Variants in METTL8 observed in about 807,000 individuals in gnomAD.
METTL8 encodes the protein tRNA N(3)-cytidine methyltransferase METTL8, mitochondrial.
In METTL8, 32 loss-of-function variants were observed where a neutral mutation model predicts 48.7. That is an observed-to-expected ratio of 0.66 (90% confidence interval 0.50 to 0.88). The LOEUF (loss-of-function observed/expected upper bound fraction) is 0.88. Among genes scored for constraint, METTL8 ranks in the 40% least tolerant of loss-of-function variants. The pLI is 0.00. For missense variants in METTL8, 464 were observed against 474.4 expected, an observed-to-expected ratio of 0.98 and a Z score of 0.20; for synonymous variants, 136 against 157.1, an observed-to-expected ratio of 0.87 and a Z score of 1.01.
At chr2:171,434,224 G>T, upstream of METTL8, 1 of 441,178 alleles carries the variant, frequency 2.3e-6, no homozygotes, top group Non-Finnish European at 4.6e-6. Flanking sequence ...TGTAGTTCCT[G>T]GGAGAAGCCG....
At chr2:171,405,360 A>T (rs1417156003) in intron 1 of METTL8, among the ~76,000 whole-genome samples, 1 of 152,208 alleles carries the variant, frequency 6.6e-6, no homozygotes, top group African/African-American at 2.4e-5. Context: ...AAGAGGGGTT[A>T]GTTTATGGGA....
At chr2:171,434,289 C>T (rs1399568009), upstream of METTL8, 7 of 579,934 alleles carry the variant, frequency 1.2e-5, no homozygotes, top group South Asian at 1.1e-4. Flanking sequence ...GCGGCTCCGG[C>T]CGGCCGCGCG....
chr2:171,395,140 C>T (rs926758137), intron 1 of METTL8, among the ~76,000 whole-genome samples: 1 of 152,194 alleles, frequency 6.6e-6, no homozygotes, highest in South Asian at 2.1e-4. Flanking sequence ...CTTCTCTTAG[C>T]TCTCTTTTGG....
intron 3 of METTL8, among the ~76,000 whole-genome samples, chr2:171,341,461 A>G (rs1686758960): frequency 6.6e-6 from 1 of 151,564 alleles, no homozygotes; most frequent in Non-Finnish European, 1.5e-5. Context: ...CTGGTCTCAA[A>G]CTCCTGACCT....
rs1165850809 is a variant in METTL8, at chr2:171,323,229, T to G, written c.*943A>C. 1.5e-5 allele frequency: 2 copies of G among 135,760 alleles called. No individual in the cohort carries two copies. Among genetic ancestry groups the G allele is most frequent in the African/African-American group, 5.5e-5 (2 of 36,362 alleles). The allele number at this position is 135,760 out of a possible 1,614,324, so 8.4% of individuals were successfully genotyped here. A position where few individuals can be genotyped will look rare whatever the true frequency, so the allele number is the denominator to read the frequency against. ...AAGAGCTTGTCAGCTTACATACCTTTTTTTTTTTTTTTTTTTTTTTTGGAG... is the reference window on the plus strand; with the variant it reads ...AAGAGCTTGTCAGCTTACATACCTTGTTTTTTTTTTTTTTTTTTTTTGGAG... On this transcript the variant is annotated 3_prime_UTR_variant, in exon 10 of 10. Coordinates refer to ENST00000375258, the MANE Select transcript of METTL8 (RefSeq NM_001321154.2).
intron 2 of METTL8, among the ~76,000 whole-genome samples, chr2:171,385,744 G>C (rs1212871314): frequency 6.6e-6 from 1 of 152,234 alleles, no homozygotes; most frequent in Non-Finnish European, 1.5e-5. Flanking sequence ...GGCTGCTAGA[G>C]TAAGTGAAGA....
intron 9 of METTL8, 91 bp from the exon 10 acceptor site, chr2:171,324,453 T>A: frequency 9.0e-7 from 1 of 1,107,418 alleles, no homozygotes; most frequent in Non-Finnish European, 1.3e-6. Context: ...ACTGACCATC[T>A]AAATTTCATT....
chr2:171,375,514 G>A (rs1019520592), intron 2 of METTL8, among the ~76,000 whole-genome samples: 3 of 152,154 alleles, frequency 2.0e-5, no homozygotes, highest in Non-Finnish European at 4.4e-5. Context: ...TCAAATAGGT[G>A]TGTAGTAGTA....
At chr2:171,325,379 G>A (rs1684845471) in intron 9 of METTL8, among the ~76,000 whole-genome samples, 1 of 152,142 alleles carries the variant, frequency 6.6e-6, no homozygotes, top group South Asian at 2.1e-4. Context: ...TGTAGAGACA[G>A]AGTCTCATTT....
At chr2:171,362,129 G>A (rs1428120181) in intron 2 of METTL8, among the ~76,000 whole-genome samples, 2 of 152,156 alleles carry the variant, frequency 1.3e-5, no homozygotes. Flanking sequence ...AGATTTCAGA[G>A]GATCTTAAAT....
At chr2:171,424,450 G>C (rs1293372715) in intron 1 of METTL8, among the ~76,000 whole-genome samples, 1 of 152,246 alleles carries the variant, frequency 6.6e-6, no homozygotes, top group Non-Finnish European at 1.5e-5. Flanking sequence ...GACAGGGGCT[G>C]TACCCTGCAA....
At chr2:171,347,560 T>C (rs1191585229) in intron 3 of METTL8, among the ~76,000 whole-genome samples, 1 of 152,218 alleles carries the variant, frequency 6.6e-6, no homozygotes, top group Non-Finnish European at 1.5e-5. Flanking sequence ...TTTCATATTA[T>C]CAGGAAATAT....
intron 2 of METTL8, among the ~76,000 whole-genome samples, chr2:171,369,943 A>G (rs539893464): frequency 1.3e-5 from 2 of 151,992 alleles, no homozygotes; most frequent in East Asian, 3.9e-4. Flanking sequence ...GTGCATGCCT[A>G]TAATCCCAGC....
intron 3 of METTL8, among the ~76,000 whole-genome samples, chr2:171,351,457 T>G (rs1394436526): frequency 1.3e-5 from 2 of 152,098 alleles, no homozygotes; most frequent in Non-Finnish European, 2.9e-5. Context: ...CTCTTTTTTG[T>G]TTCCATATGA....
intron 1 of METTL8, among the ~76,000 whole-genome samples, chr2:171,415,936 A>C (rs975601484): frequency 2.0e-5 from 3 of 152,234 alleles, no homozygotes; most frequent in Non-Finnish European, 4.4e-5. Flanking sequence ...AAGGTGGAGC[A>C]AAGAACCAGG....
At chr2:171,376,627 A>G (rs1686994559) in intron 2 of METTL8, among the ~76,000 whole-genome samples, 1 of 152,212 alleles carries the variant, frequency 6.6e-6, no homozygotes, top group South Asian at 2.1e-4. Context: ...TAAAATACTT[A>G]GGAATACACT....
intron 1 of METTL8, among the ~76,000 whole-genome samples, chr2:171,401,075 G>A (rs1689593226): frequency 6.6e-6 from 1 of 152,034 alleles, no homozygotes. Context: ...AGACGTTCAT[G>A]TTTTCACCTT....
intron 2 of METTL8, among the ~76,000 whole-genome samples, chr2:171,381,350 A>G (rs1469688524): frequency 2.0e-5 from 3 of 152,210 alleles, no homozygotes; most frequent in Non-Finnish European, 4.4e-5. Context: ...GCATGGGCAA[A>G]GACTTCACGA....
chr2:171,396,906 T>C (rs1292089070), intron 1 of METTL8, among the ~76,000 whole-genome samples: 3 of 151,200 alleles, frequency 2.0e-5, no homozygotes, highest in Admixed American at 6.6e-5. Context: ...CAGACTAGAG[T>C]GCAATGGCAC....
Sources: gnomAD v4.1 joint callset for allele counts (sites outside exome capture counted in the v4.1 genomes callset) on GRCh38, gnomAD v4.1.1 for gene constraint, MANE v1.5 for transcripts, NCBI Gene and HGNC (gene_info 2026-07-23, HGNC 2026-07-21) for gene names.